Variants in ALG8 observed in about 807,000 individuals in gnomAD.
The protein encoded by ALG8 is dolichyl pyrophosphate Glc1Man9GlcNAc2 alpha-1,3-glucosyltransferase.
ALG8 carries 48 observed loss-of-function variants against 70.2 expected under a neutral mutation model. The ratio of observed to expected loss-of-function variants is 0.68; its 90% CI spans 0.54 to 0.87. The LOEUF (loss-of-function observed/expected upper bound fraction) is 0.87. Among genes scored for constraint, ALG8 ranks in the 40% least tolerant of loss-of-function variants. The pLI is 0.00. For missense variants in ALG8, 572 were observed against 608.7 expected (o/e 0.94, Z 0.64); for synonymous variants, 234 against 229.0 (o/e 1.02, Z -0.20).
intron 4 of ALG8, 26 bp from the exon 5 acceptor site, chr11:78,119,275 CAG>C: frequency 6.6e-7 from 1 of 1,507,698 alleles, no homozygotes; most frequent in Non-Finnish European, 9.2e-7. Flanking sequence ...GGAAAGACAA[CAG>C]AGGACACCAA....
At chr11:78,101,520 T>C (rs997822818) in intron 12 of ALG8, among the ~76,000 whole-genome samples, 2 of 152,066 alleles carry the variant, frequency 1.3e-5, no homozygotes, top group African/African-American at 4.8e-5. Context: ...TTCCAGCTAC[T>C]TGGGAGGCTG....
At chr11:78,113,079 T>C (rs1860379505) in intron 7 of ALG8, among the ~76,000 whole-genome samples, 1 of 151,950 alleles carries the variant, frequency 6.6e-6, no homozygotes, top group Admixed American at 6.6e-5. Context: ...TCTACTAGGG[T>C]GAAGGGGAGA....
chr11:78,119,888 G>C (rs920534839), intron 4 of ALG8, among the ~76,000 whole-genome samples: 1 of 151,990 alleles, frequency 6.6e-6, no homozygotes. Flanking sequence ...GATCACTTGG[G>C]ACCAGGCGTT....
At chr11:78,129,096 T>A (rs987647372) in intron 1 of ALG8, among the ~76,000 whole-genome samples, 51 of 152,086 alleles carry the variant, frequency 3.4e-4, no homozygotes, top group Non-Finnish European at 5.1e-4. Context: ...AAATGCATAG[T>A]ATGCTCACTA....
intron 10 of ALG8, 75 bp downstream of exon 10, chr11:78,106,732 A>G: frequency 1.3e-6 from 2 of 1,594,026 alleles, no homozygotes; most frequent in Non-Finnish European, 1.7e-6. Flanking sequence ...ACATGACAAG[A>G]AGGGACAGAG....
chr11:78,114,597 T>C, intron 5 of ALG8: 2 of 624,918 alleles, frequency 3.2e-6, no homozygotes, highest in Non-Finnish European at 5.8e-6. Context: ...GGGTGAGGGA[T>C]ATATAGGAAC....
At chr11:78,120,956 C>G (rs912190210) in intron 4 of ALG8, 109 bp downstream of exon 4, 5 of 1,060,616 alleles carry the variant, frequency 4.7e-6, no homozygotes, top group Non-Finnish European at 5.7e-6. Flanking sequence ...ACCCCACACT[C>G]ATTTTCAGAA....
At position 78,139,211 on chromosome 11, in the gene ALG8, T is replaced by A. The variant is rs1389600469; in HGVS notation, c.95+283A>T. 4 of 468,392 alleles carry A rather than the reference T, an allele frequency of 8.5e-6. No individual in the cohort carries two copies. In the Admixed American group the frequency reaches 1.4e-4, roughly 16 times the overall value. The allele number at this position is 468,392 out of a possible 1,614,324, so 29.0% of individuals were successfully genotyped here. On this transcript the variant is annotated intron_variant, in intron 1 of 12. Coordinates refer to ENST00000299626, the MANE Select transcript of ALG8 (RefSeq NM_024079.5). ...CATCTGATAATACTGGCTGAATGGCTGTTGGAGGCAGAGGTTCTTAACTGC... is the reference window on the plus strand; with the variant it reads ...CATCTGATAATACTGGCTGAATGGCAGTTGGAGGCAGAGGTTCTTAACTGC...
chr11:78,116,409 C>G (rs888289299), intron 5 of ALG8, among the ~76,000 whole-genome samples: 1 of 151,820 alleles, frequency 6.6e-6, no homozygotes, highest in Non-Finnish European at 1.5e-5. Context: ...AACCAGCTTA[C>G]TATAACTAAG....
At chr11:78,124,253 C>G (rs763169721) in intron 2 of ALG8, 39 bp from the exon 3 acceptor site, 1 of 1,590,152 alleles carries the variant, frequency 6.3e-7, no homozygotes, top group Non-Finnish European at 8.6e-7. Context: ...TCCTAAATAA[C>G]TGAATAAACA....
intron 8 of ALG8, among the ~76,000 whole-genome samples, chr11:78,111,174 C>T (rs989671889): frequency 5.3e-5 from 8 of 152,116 alleles, no homozygotes; most frequent in Non-Finnish European, 1.2e-4. Context: ...ATGCATGGAG[C>T]GTCTACCATG....
At chr11:78,104,933 C>T (rs570176974) in intron 10 of ALG8, among the ~76,000 whole-genome samples, 2 of 150,368 alleles carry the variant, frequency 1.3e-5, no homozygotes, top group East Asian at 3.9e-4. Flanking sequence ...CACTGCACTC[C>T]AGCCTGGGCA....
intron 1 of ALG8, among the ~76,000 whole-genome samples, chr11:78,134,873 T>C (rs111532980): frequency 9.2e-5 from 14 of 152,230 alleles, no homozygotes; most frequent in African/African-American, 3.1e-4. Context: ...AAGTTATCCA[T>C]TGGAGTTGGA....
chr11:78,139,386 A>G, intron 1 of ALG8, 108 bp downstream of exon 1: 1 of 1,112,050 alleles, frequency 9.0e-7, no homozygotes, highest in Non-Finnish European at 1.3e-6. Flanking sequence ...AGCGACAAAC[A>G]CGACCTAAAG....
intron 8 of ALG8, chr11:78,112,239 C>T (rs776160055): frequency 3.4e-6 from 1 of 295,128 alleles, no homozygotes; most frequent in Non-Finnish European, 6.6e-6. Flanking sequence ...ATCTCAACAC[C>T]ATTGCACTCC....
At chr11:78,136,526 G>A (rs1861559839) in intron 1 of ALG8, among the ~76,000 whole-genome samples, 1 of 152,058 alleles carries the variant, frequency 6.6e-6, no homozygotes, top group South Asian at 2.1e-4. Context: ...GATAGAGCGA[G>A]ACCCTGCCTC....
At chr11:78,136,122 A>G (rs576724820) in intron 1 of ALG8, among the ~76,000 whole-genome samples, 1 of 152,182 alleles carries the variant, frequency 6.6e-6, no homozygotes, top group East Asian at 1.9e-4. Flanking sequence ...GTGAGCTGAG[A>G]TCATACCAGT....
At chr11:78,117,190 T>C (rs578232223) in intron 5 of ALG8, among the ~76,000 whole-genome samples, 2 of 152,174 alleles carry the variant, frequency 1.3e-5, no homozygotes, top group African/African-American at 2.4e-5. Context: ...TTTCATTTTA[T>C]GGGGAAAATG....
chr11:78,132,574 T>C (rs1861349330), intron 1 of ALG8, among the ~76,000 whole-genome samples: 1 of 152,196 alleles, frequency 6.6e-6, no homozygotes, highest in South Asian at 2.1e-4. Context: ...CTGTTGCTTA[T>C]TCCATGCCAG....
Sources: allele counts gnomAD v4.1 joint callset (sites outside exome capture counted in the v4.1 genomes callset), GRCh38; gene constraint gnomAD v4.1.1; transcripts MANE v1.5; gene names NCBI Gene and HGNC (gene_info 2026-07-23, HGNC 2026-07-21).